The following PRRC2C variants were observed in gnomAD, a reference collection of about 807,000 sequenced individuals.
The protein encoded by PRRC2C is protein PRRC2C.
A neutral mutation model predicts 317.2 loss-of-function variants in PRRC2C; 72 were observed. The ratio of observed to expected loss-of-function variants is 0.23; its 90% CI spans 0.19 to 0.28. The LOEUF (loss-of-function observed/expected upper bound fraction) is 0.28. Among genes scored for constraint, PRRC2C ranks in the 10% least tolerant of loss-of-function variants. The pLI, the probability that PRRC2C is intolerant of heterozygous loss-of-function variation, is 1.00. For synonymous variants in PRRC2C, 1,296 were observed against 1,205.9 expected, an observed-to-expected ratio of 1.07 and a Z score of -1.55; for missense variants, 3,074 against 3,459.7, an observed-to-expected ratio of 0.89 and a Z score of 2.80.
In PRRC2C at chr1:171,540,348, C is replaced by T; in HGVS notation, c.2882C>T (p.Pro961Leu). 1.2e-6 allele frequency: 2 copies of T among 1,612,902 alleles called. No homozygotes were observed. Among genetic ancestry groups the T allele is most frequent in the South Asian group, 2.2e-5 (2 of 90,878 alleles). ...VTSRCIDSKE[P>L]IERPEEKPKK... is the part of the protein sequence containing the mutation. ...AGCAGATGCATTGATTCAAAAGAAC[C>T]AATAGAAAGGCCAGAGGAGAAACCA... Residue 961 changes from proline (P) to leucine (L), a missense_variant, in exon 16 of 35, where the codon CCA becomes CTA. Pro to Leu is a moderately conservative substitution (Grantham distance 98, BLOSUM62 -3). Transcript: ENST00000647382.
chr1:171,592,061 A>G lies in PRRC2C; in HGVS notation c.*214A>G, dbSNP rs2102916149. Reference sequence around the variant, plus strand: ...TGCAAGCTTGTACCTACTATATAACATGTGCTTGGTTGATGGCCATGCATC... The same window carrying G: ...TGCAAGCTTGTACCTACTATATAACGTGTGCTTGGTTGATGGCCATGCATC... On this transcript the variant is annotated 3_prime_UTR_variant, in exon 35 of 35. Coordinates refer to ENST00000647382, the MANE Select transcript of PRRC2C (RefSeq NM_001387844.1). 1 of 507,754 alleles carries G rather than the reference A, an allele frequency of 2.0e-6. No individual in the cohort carries two copies. Among genetic ancestry groups the G allele is most frequent in the Non-Finnish European group, 3.4e-6 (1 of 297,008 alleles). The allele number at this position is 507,754 out of a possible 1,614,324, so 31.5% of individuals were successfully genotyped here. A position where few individuals can be genotyped will look rare whatever the true frequency, so the allele number is the denominator to read the frequency against.
intron 18 of PRRC2C, among the ~76,000 whole-genome samples, chr1:171,554,094 G>A (rs1042912192): frequency 6.6e-6 from 1 of 152,096 alleles, no homozygotes; most frequent in Non-Finnish European, 1.5e-5. Context: ...AGTATTGTGT[G>A]GGAGTCTAAG....
intron 10 of PRRC2C, among the ~76,000 whole-genome samples, chr1:171,526,350 C>G (rs1674559934): frequency 6.6e-6 from 1 of 151,970 alleles, no homozygotes; most frequent in Non-Finnish European, 1.5e-5. Context: ...TCTTTTTTTC[C>G]CTCTTGAGAC....
chr1:171,578,936 A>T (rs948379909), intron 26 of PRRC2C, among the ~76,000 whole-genome samples: 1 of 152,238 alleles, frequency 6.6e-6, no homozygotes, highest in Non-Finnish European at 1.5e-5. Context: ...TGTGTTTAAA[A>T]TTTATACCAA....
Position 171,571,316 on chromosome 1 carries a change from T to A in PRRC2C, c.6652-4T>A. ...ATTGTGATATGTGTTGCCTACCTTT[T>A]CAGGTGCCCCTGCCCAACACCCTTC... On this transcript the variant is annotated splice_region_variant and splice_polypyrimidine_tract_variant and intron_variant, in intron 23 of 34. Coordinates refer to ENST00000647382, the MANE Select transcript of PRRC2C (RefSeq NM_001387844.1). The A allele has an allele frequency of 6.3e-7, 1 of 1,577,408 alleles. No homozygotes were observed. The highest frequency in any genetic ancestry group is 8.7e-7 in the Non-Finnish European group (1 of 1,147,080).
intron 1 of PRRC2C, among the ~76,000 whole-genome samples, chr1:171,504,312 T>G (rs1669769884): frequency 6.6e-6 from 1 of 152,218 alleles, no homozygotes; most frequent in Non-Finnish European, 1.5e-5. Context: ...TCATTTTTTA[T>G]AGATTGTGCT....
chr1:171,542,023 T>A lies in PRRC2C; in HGVS notation c.4557T>A (p.Ala1519=). 1 of 1,613,578 alleles carries A rather than the reference T, an allele frequency of 6.2e-7. No homozygotes were observed. The highest frequency in any genetic ancestry group is 8.5e-7 in the Non-Finnish European group (1 of 1,179,796). Residue 1519 remains alanine, a synonymous_variant, in exon 16 of 35, where the codon GCT becomes GCA. Transcript: ENST00000647382. Reference sequence around the variant, plus strand: ...GAGAGAGGGATGAAAAAAAAAATGCTGACTTGAATGCACAAACAGTTGTAA... The same window carrying A: ...GAGAGAGGGATGAAAAAAAAAATGCAGACTTGAATGCACAAACAGTTGTAA... ...ERRERDEKKN[A]DLNAQTVVKV... is the part of the protein sequence containing the mutation.
chr1:171,586,063 A>ATTTTTTTTTTTTTTTTTTTT (rs920423722), intron 30 of PRRC2C, among the ~76,000 whole-genome samples: 1 of 83,032 alleles, frequency 1.2e-5, no homozygotes, highest in Non-Finnish European at 2.2e-5. Flanking sequence ...TCAGGTGTTG[A>ATTTTTTTTTTTTTTTTTTTT]TTTTTTTTTT....
At chr1:171,500,786 T>A (rs78470387) in intron 1 of PRRC2C, among the ~76,000 whole-genome samples, 24,012 of 152,250 alleles carry the variant, frequency 0.16, 1,955 homozygotes, top group Middle Eastern at 0.29. Flanking sequence ...TGGCTTCCTT[T>A]TTTTCCTCCT....
chr1:171,541,930 G>A lies in PRRC2C; in HGVS notation c.4464G>A (p.Gln1488=). The change falls in exon 16 of 35, where the codon CAG becomes CAA. Residue 1488 remains glutamine, a synonymous_variant. Transcript: ENST00000647382. The surrounding 1 kb of genome is among the most constrained non-coding windows in gnomAD (Gnocchi z 4.1). ...ATAAGACACCAGATTTATCTAATCA[G>A]AACTCTTCAGATCAGGCAAATGAAG... ...SGNKTPDLSN[Q]NSSDQANEEW... is the part of the protein sequence containing the mutation. The A allele has an allele frequency of 6.2e-7, 1 of 1,613,720 alleles. No homozygotes were observed. The highest frequency in any genetic ancestry group is 8.5e-7 in the Non-Finnish European group (1 of 1,179,840).
chr1:171,515,600 A>G (rs1672214497), intron 4 of PRRC2C, 134 bp from the exon 5 acceptor site: 1 of 710,294 alleles, frequency 1.4e-6, no homozygotes, highest in Non-Finnish European at 2.2e-6. Flanking sequence ...TTAAAGTGAT[A>G]TGGCTATGAA....
chr1:171,516,264 A>G (rs1011673952), intron 5 of PRRC2C, among the ~76,000 whole-genome samples: 3 of 152,186 alleles, frequency 2.0e-5, no homozygotes, highest in Non-Finnish European at 4.4e-5. Flanking sequence ...AATTTTGGAT[A>G]ATGAGGGATA....
chr1:171,513,323 T>C, intron 3 of PRRC2C, 151 bp downstream of exon 3: 3 of 940,770 alleles, frequency 3.2e-6, no homozygotes. Flanking sequence ...TAGTAACTTT[T>C]GGTTAATTTT....
chr1:171,578,641 G>A (rs1647767122), intron 26 of PRRC2C, among the ~76,000 whole-genome samples: 1 of 152,204 alleles, frequency 6.6e-6, no homozygotes, highest in African/African-American at 2.4e-5. Context: ...GCTGAGGCGG[G>A]CAGATCAGTT....
rs1557952544 is a variant in PRRC2C at position 171,540,423 on chromosome 1, TATATAA to T, written c.2960_2965del (p.Tyr987_Lys988del). ...TCTGAAGGACCAAAACCTGAAAAAG[TATATAA>T]ATCTAAATCAGAAACTCGTTGGGGC... On this transcript the variant is annotated inframe_deletion, in exon 16 of 35. Coordinates refer to ENST00000647382, the MANE Select transcript of PRRC2C (RefSeq NM_001387844.1). 1 of 1,612,754 alleles carries T rather than the reference TATATAA, an allele frequency of 6.2e-7. No homozygotes were observed. Among genetic ancestry groups the T allele is most frequent in the Admixed American group, 1.7e-5 (1 of 59,828 alleles).
Position 171,532,796 on chromosome 1 carries a change from G to A in PRRC2C, c.1708G>A (p.Glu570Lys), listed in dbSNP as rs1676115508. Residue 570 changes from glutamate to lysine, a missense_variant, in exon 12 of 35, where the codon GAA (glutamate) becomes AAA (lysine). This residue lies in a region of PRRC2C where 1,320 missense variants were observed against 1,395.7 expected (regional missense o/e 0.95). Coordinates refer to ENST00000647382, the MANE Select transcript of PRRC2C (RefSeq NM_001387844.1). Reference sequence around the variant, plus strand: ...AAAGCAAGAAAAAGAAAAAGAACTAGAACGGCAGAAAGAAAAGGAAAAAGA... The same window carrying A: ...AAAGCAAGAAAAAGAAAAAGAACTAAAACGGCAGAAAGAAAAGGAAAAAGA... ...ERKQEKEKEL[E>K]RQKEKEKELQ... 2 of 1,564,286 alleles carry A rather than the reference G, an allele frequency of 1.3e-6. No homozygotes were observed. Among genetic ancestry groups the A allele is most frequent in the East Asian group, 4.6e-5 (2 of 43,348 alleles).
rs183472045 is a variant in PRRC2C, at chr1:171,556,502, C to T, written c.5128-738C>T. On this transcript the variant is annotated intron_variant, in intron 18 of 34. Transcript: ENST00000647382. Reference sequence around the variant, plus strand: ...AAGTGCAGAAATCACCCGTCTTCTGCGTCAATCACACTGGGAGCTGCAGAC... The same window carrying T: ...AAGTGCAGAAATCACCCGTCTTCTGTGTCAATCACACTGGGAGCTGCAGAC... Among the ~76,000 whole-genome samples the T allele has an allele frequency of 1.2e-4, 18 of 152,318 alleles. No individual in the cohort carries two copies. In the East Asian group the frequency reaches 2.7e-3, roughly 23 times the overall value.
intron 30 of PRRC2C, among the ~76,000 whole-genome samples, chr1:171,586,063 A>ATTTTTTTTTTTTTTTTTTTTTTT (rs920423722): frequency 1.2e-5 from 1 of 83,032 alleles, no homozygotes; most frequent in African/African-American, 4.7e-5. Flanking sequence ...TCAGGTGTTG[A>ATTTTTTTTTTTTTTTTTTTTTTT]TTTTTTTTTT....
intron 24 of PRRC2C, among the ~76,000 whole-genome samples, chr1:171,571,787 A>G (rs900083668): frequency 1.3e-5 from 2 of 152,230 alleles, no homozygotes; most frequent in Admixed American, 1.3e-4. Context: ...GATTGTTACC[A>G]AAATATTAAG....
Sources: gnomAD v4.1 joint callset for allele counts (sites outside exome capture counted in the v4.1 genomes callset) on GRCh38, gnomAD v4.1.1 for gene constraint, gnomAD v4.1.1 regional missense constraint, Gnocchi (gnomAD v3.1) non-coding constraint, MANE v1.5 for transcripts, NCBI Gene and HGNC (gene_info 2026-07-23, HGNC 2026-07-21) for gene names.